The following CCT2 variants were observed in gnomAD, a reference collection of about 807,000 sequenced individuals.
CCT2 encodes chaperonin containing TCP1 subunit 2, also known as T-complex protein 1 subunit beta.
A neutral mutation model predicts 61.8 loss-of-function variants in CCT2; 18 were observed. That is an observed-to-expected ratio of 0.29 (90% confidence interval 0.20 to 0.43). CCT2 has a LOEUF of 0.43. Among genes scored for constraint, CCT2 ranks in the 20% least tolerant of loss-of-function variants. The pLI, the probability that CCT2 is intolerant of heterozygous loss-of-function variation, is 1.00. For missense variants in CCT2, 556 were observed against 656.9 expected, an observed-to-expected ratio of 0.85 and a Z score of 1.68; for synonymous variants, 248 against 215.9, an observed-to-expected ratio of 1.15 and a Z score of -1.30.
At chr12:69,594,147 A>G (rs992072558) in intron 10 of CCT2, among the ~76,000 whole-genome samples, 3 of 152,164 alleles carry the variant, frequency 2.0e-5, no homozygotes, top group African/African-American at 7.2e-5. Flanking sequence ...TCAAAAAAAA[A>G]AAAAGATATG....
chr12:69,587,789 A>G (rs986515646), intron 4 of CCT2, 141 bp from the exon 5 acceptor site: 2 of 771,042 alleles, frequency 2.6e-6, no homozygotes, highest in East Asian at 2.7e-5. Flanking sequence ...TGGTGGTAAA[A>G]CTGTTGCATT....
chr12:69,592,247 T>A, intron 8 of CCT2, 88 bp downstream of exon 8: 4 of 673,482 alleles, frequency 5.9e-6, no homozygotes, highest in Non-Finnish European at 1.0e-5. Flanking sequence ...GAGGCCAAGG[T>A]GGTGGATCAT....
At chr12:69,598,883 A>G (rs983463453) in intron 14 of CCT2, among the ~76,000 whole-genome samples, 3 of 152,356 alleles carry the variant, frequency 2.0e-5, no homozygotes. Context: ...TGTGCTGGAC[A>G]TTATAGAGTA....
In CCT2 at chr12:69,586,439, A is replaced by G. The variant is rs138752607; in HGVS notation, c.78+95A>G. 89 of 876,458 alleles carry G rather than the reference A, an allele frequency of 1.0e-4. 2 individuals are homozygous for G. In the South Asian group the frequency reaches 1.2e-3, roughly 12 times the overall value. The allele number at this position is 876,458 out of a possible 1,614,324, so 54.3% of individuals were successfully genotyped here. ...TCCCAGTACTTTGGGAGGCCGAGGT[A>G]GGCGGATGAACTGAGGTCAGGAGTT... On this transcript the variant is annotated intron_variant, in intron 2 of 15. Coordinates refer to ENST00000299300, the MANE Select transcript of CCT2 (RefSeq NM_006431.3).
chr12:69,587,091 A>G (rs1881687303), intron 3 of CCT2: 1 of 362,708 alleles, frequency 2.8e-6, no homozygotes. Context: ...TTTTATACTC[A>G]TGTAACATAC....
rs751185105 is a variant in CCT2, at chr12:69,588,225, G to T, written c.409G>T (p.Ala137Ser). ...GGGTTGGAGAGAAGCCACGAAGGCTGCAAGAGAGGCGCTGTTGAGTTCTGC... is the reference window on the plus strand; with the variant it reads ...GGGTTGGAGAGAAGCCACGAAGGCTTCAAGAGAGGCGCTGTTGAGTTCTGC... ...IAGWREATKA[A>S]REALLSSAVD... Residue 137 changes from alanine to serine, a missense_variant, in exon 6 of 16, where the codon GCA becomes TCA. Physicochemically the swap from Ala to Ser is moderately conservative, Grantham distance 99. Around this residue, in one of 3 missense-constraint regions of CCT2, gnomAD observed 308 missense variants for 350.6 expected, o/e 0.88. Transcript: ENST00000299300. 6.2e-7 allele frequency: 1 copy of T among 1,614,086 alleles called. No individual in the cohort carries two copies. The highest frequency in any genetic ancestry group is 1.1e-5 in the South Asian group (1 of 91,082).
At chr12:69,590,998 C>T (rs1881819121) in intron 7 of CCT2, among the ~76,000 whole-genome samples, 1 of 152,080 alleles carries the variant, frequency 6.6e-6, no homozygotes, top group Non-Finnish European at 1.5e-5. Context: ...GGATTACAGG[C>T]GTGAGCCACC....
intron 1 of CCT2, chr12:69,585,800 G>A: frequency 1.5e-6 from 2 of 1,366,140 alleles, no homozygotes; most frequent in Non-Finnish European, 1.9e-6. Context: ...CCGGAGCGAA[G>A]AAATTTCTAG....
At chr12:69,589,252 CTT>C (rs1881761995) in intron 6 of CCT2, 8 of 528,912 alleles carry the variant, frequency 1.5e-5, no homozygotes, top group South Asian at 2.1e-5. Context: ...CAACATTAGA[CTT>C]TTGCATGCTT....
intron 7 of CCT2, among the ~76,000 whole-genome samples, chr12:69,590,245 T>G (rs1881793967): frequency 6.6e-6 from 1 of 152,228 alleles, no homozygotes; most frequent in African/African-American, 2.4e-5. Flanking sequence ...ATCTGCTGGT[T>G]CCAGTCAGCC....
chr12:69,589,784 C>T (rs2135851820), intron 7 of CCT2, 97 bp downstream of exon 7: 3 of 971,542 alleles, frequency 3.1e-6, no homozygotes, highest in Non-Finnish European at 4.7e-6. Flanking sequence ...TTTACAAAGC[C>T]AGTGAACTTG....
At chr12:69,599,690 T>G in intron 14 of CCT2, 173 bp from the exon 15 acceptor site, 2 of 457,396 alleles carry the variant, frequency 4.4e-6, no homozygotes, top group Non-Finnish European at 3.7e-6. Context: ...CCCGGCCCCT[T>G]TTAATTTTTT....
At chr12:69,586,867 T>G in intron 3 of CCT2, 49 bp downstream of exon 3, 89 of 1,041,042 alleles carry the variant, frequency 8.5e-5, no homozygotes, top group Middle Eastern at 2.3e-4. Flanking sequence ...TTAGAGCGCT[T>G]GGTGGAAATA....
intron 9 of CCT2, 28 bp from the exon 10 acceptor site, chr12:69,593,482 A>G (rs770719405): frequency 2.8e-5 from 39 of 1,397,942 alleles, no homozygotes; most frequent in Non-Finnish European, 3.9e-5. Flanking sequence ...AGTTGTGAGC[A>G]TAATGTTTTC....
intron 15 of CCT2, 92 bp from the exon 16 acceptor site, chr12:69,601,203 C>G (rs1468252670): frequency 2.9e-6 from 3 of 1,037,994 alleles, no homozygotes; most frequent in Middle Eastern, 4.2e-4. Context: ...AGTTTTAATA[C>G]AGGATTCTAG....
chr12:69,594,975 C>G (rs1258573890), intron 10 of CCT2, among the ~76,000 whole-genome samples: 1 of 152,156 alleles, frequency 6.6e-6, no homozygotes, highest in African/African-American at 2.4e-5. Context: ...ATAGTACACT[C>G]TAAGCCCTGG....
At chr12:69,585,745 G>T (rs140997100) in intron 1 of CCT2, 5 of 1,444,350 alleles carry the variant, frequency 3.5e-6, no homozygotes, top group Non-Finnish European at 4.5e-6. Context: ...GTCTCCTTGT[G>T]CCTAGGTCTT....
intron 10 of CCT2, among the ~76,000 whole-genome samples, chr12:69,594,413 A>G (rs943916459): frequency 3.9e-5 from 6 of 152,256 alleles, no homozygotes; most frequent in African/African-American, 1.4e-4. Context: ...TCTGAAAGTA[A>G]TAAACGTTAG....
At chr12:69,587,312 GCTT>G (rs1440899363) in intron 3 of CCT2, among the ~76,000 whole-genome samples, 190 bp from the exon 4 acceptor site, 1 of 152,138 alleles carries the variant, frequency 6.6e-6, no homozygotes, top group East Asian at 1.9e-4. Flanking sequence ...GTCTACCTGT[GCTT>G]CTAGTGTTTC....
Sources: allele counts gnomAD v4.1 joint callset (sites outside exome capture counted in the v4.1 genomes callset), GRCh38; gene constraint gnomAD v4.1.1; regional missense constraint gnomAD v4.1.1; transcripts MANE v1.5; gene names NCBI Gene and HGNC (gene_info 2026-07-23, HGNC 2026-07-21).